Variants in ZCCHC14 observed in about 807,000 individuals in gnomAD.
ZCCHC14 encodes zinc finger CCHC-type containing 14, also known as zinc finger CCHC domain-containing protein 14.
ZCCHC14 carries 16 observed loss-of-function variants against 85.0 expected under a neutral mutation model. The ratio of observed to expected loss-of-function variants is 0.19; its 90% confidence interval spans 0.13 to 0.29. The LOEUF is 0.29. ZCCHC14 is among the 10% of genes least tolerant of loss of function. The pLI is 1.00. For missense variants in ZCCHC14, 1,303 were observed against 1,443.5 expected (o/e 0.90, Z 1.58); for synonymous variants, 775 against 630.7 (o/e 1.23, Z -3.43).
chr16:87,446,154 C>G (rs187510918), intron 2 of ZCCHC14, among the ~76,000 whole-genome samples: 45 of 104,684 alleles, frequency 4.3e-4, no homozygotes, highest in African/African-American at 1.4e-3. Flanking sequence ...GCAACAAGAG[C>G]AAAACTCCGT....
rs140528770 is a variant in ZCCHC14 at position 87,417,619 on chromosome 16, G to A, written c.1224C>T (p.Ala408=). ...HCSHAGSAGS[A]LAYRTQMDTS... Reference sequence around the variant, plus strand: ...TGTCCATCTGGGTCCGGTAGGCCAGGGCTGAGCCCGCGCTGCCCGCATGGG... The same window carrying A: ...TGTCCATCTGGGTCCGGTAGGCCAGAGCTGAGCCCGCGCTGCCCGCATGGG... The change falls in exon 8 of 13, where the codon GCC becomes GCT. Residue 408 remains alanine, a synonymous_variant. Transcript: ENST00000671377. 7.4e-6 allele frequency: 12 copies of A among 1,614,078 alleles called. No individual in the cohort carries two copies. The South Asian group carries it at 1.3e-4, about 18-fold the overall frequency.
intron 1 of ZCCHC14, among the ~76,000 whole-genome samples, chr16:87,478,009 G>A (rs1327058474): frequency 6.6e-6 from 1 of 152,196 alleles, no homozygotes; most frequent in African/African-American, 2.4e-5. Flanking sequence ...CCACTGATAC[G>A]CCCCCACGCA....
At chr16:87,473,487 GCCA>G (rs1911868498) in intron 1 of ZCCHC14, 1 of 152,230 alleles carries the variant, frequency 6.6e-6, no homozygotes, top group African/African-American at 2.4e-5. Flanking sequence ...ACAGGCGTGA[GCCA>G]CCGTGCCCGG....
chr16:87,480,610 T>C (rs970800719), intron 1 of ZCCHC14, among the ~76,000 whole-genome samples: 1 of 152,206 alleles, frequency 6.6e-6, no homozygotes, highest in Admixed American at 6.5e-5. Flanking sequence ...GCACTTGTAC[T>C]ACGGCGGCTT....
intron 1 of ZCCHC14, among the ~76,000 whole-genome samples, chr16:87,481,526 C>CTGGGGGGGGGG (rs1892658109): frequency 4.1e-4 from 1 of 2,434 alleles, no homozygotes; most frequent in Non-Finnish European, 8.0e-4. Flanking sequence ...GGGAGAGAAA[C>CTGGGGGGGGGG]GGGGGGGGGG....
rs1437514129 is a variant in ZCCHC14 at position 87,492,670 on chromosome 16, G to T, written c.-432C>A. The T allele has an allele frequency of 1.4e-5, 2 of 145,862 alleles. No individual in the cohort carries two copies. Among genetic ancestry groups the T allele is most frequent in the Non-Finnish European group, 3.0e-5 (2 of 65,630 alleles). The allele number at this position is 145,862 out of a possible 1,614,324, so 9.0% of individuals were successfully genotyped here. A position where few individuals can be genotyped will look rare whatever the true frequency, so the allele number is the denominator to read the frequency against. Reference sequence around the variant, plus strand: ...CCCCCGCGCCGCAGGGTCTGTCACTGCGGGCCGCCCCCCGACGGAGCCGCC... The same window carrying T: ...CCCCCGCGCCGCAGGGTCTGTCACTTCGGGCCGCCCCCCGACGGAGCCGCC... On this transcript the variant is annotated 5_prime_UTR_variant, in exon 1 of 13. Coordinates refer to ENST00000671377, the MANE Select transcript of ZCCHC14 (RefSeq NM_015144.3). The surrounding 1 kb of genome is among the most constrained non-coding windows in gnomAD (Gnocchi z 6.7).
Position 87,423,803 on chromosome 16 carries a change from AC to A in ZCCHC14, c.840+6del. ...TTAATTTTTATAAGAGCCCTTGATT[AC>A]CTTACCTTTGAAATAAATTCCGTCA... On this transcript the variant is annotated splice_donor_region_variant and intron_variant, in intron 4 of 12. Transcript: ENST00000671377. The A allele has an allele frequency of 6.2e-7, 1 of 1,613,838 alleles. No homozygotes were observed. The highest frequency in any genetic ancestry group is 8.5e-7 in the Non-Finnish European group (1 of 1,179,836).
chr16:87,437,840 G>A lies in ZCCHC14; in HGVS notation c.695-4639C>T, dbSNP rs200148892. ...TACATTTAGAAACCAGTACTCTAAC[G>A]TAGCAACTGAAAAAGGGAGGGAAGC... is the stretch of plus-strand genomic sequence containing the variant. On this transcript the variant is annotated intron_variant, in intron 2 of 12. Transcript: ENST00000671377. Among the ~76,000 whole-genome samples, 10 of 152,274 alleles carry A rather than the reference G, an allele frequency of 6.6e-5. No individual in the cohort carries two copies. The South Asian group carries it at 8.3e-4, about 13-fold the overall frequency.
In ZCCHC14 at chr16:87,419,890, C is replaced by T; in HGVS notation, c.951-13G>A. On this transcript the variant is annotated splice_polypyrimidine_tract_variant and intron_variant, in intron 5 of 12. Coordinates refer to ENST00000671377, the MANE Select transcript of ZCCHC14 (RefSeq NM_015144.3). ...TGAGGCCAGGTACCTAAAAGGCAAA[C>T]AAGTGGTCTTATCAACATTAAAATG... 1 of 1,595,078 alleles carries T rather than the reference C, an allele frequency of 6.3e-7. No individual in the cohort carries two copies. The highest frequency in any genetic ancestry group is 8.5e-7 in the Non-Finnish European group (1 of 1,173,162).
rs1159004291 is a variant in ZCCHC14, at chr16:87,408,135, A to T, written c.*2145T>A. On this transcript the variant is annotated 3_prime_UTR_variant, in exon 13 of 13. Coordinates refer to ENST00000671377, the MANE Select transcript of ZCCHC14 (RefSeq NM_015144.3). Reference sequence around the variant, plus strand: ...AGTTTCTGTTTTAATGTTTTGCTGGATTTAAGGTTAACCTCTAATACTTAT... The same window carrying T: ...AGTTTCTGTTTTAATGTTTTGCTGGTTTTAAGGTTAACCTCTAATACTTAT... 2.6e-5 allele frequency: 4 copies of T among 152,646 alleles called. No homozygotes were observed. The highest frequency in any genetic ancestry group is 2.6e-4 in the Admixed American group (4 of 15,288). The allele number at this position is 152,646 out of a possible 1,614,324, so 9.5% of individuals were successfully genotyped here. A position where few individuals can be genotyped will look rare whatever the true frequency, so the allele number is the denominator to read the frequency against.
chr16:87,411,762 C>A lies in ZCCHC14; in HGVS notation c.2959G>T (p.Val987Leu). ...CCGCTGCTGCTGTAAGGGGCGTGCA[C>A]GACGGGGAAGGTGGAGCCGCCGCCG... ...QYGGGSTFPV[V>L]HAPYSSSGTP... Residue 987 changes from valine (V) to leucine (L), a missense_variant, in exon 12 of 13, where the codon GTG becomes TTG. Physicochemically the swap from Val to Leu is conservative, Grantham distance 32. Coordinates refer to ENST00000671377, the MANE Select transcript of ZCCHC14 (RefSeq NM_015144.3). 1 of 1,612,100 alleles carries A rather than the reference C, an allele frequency of 6.2e-7. No individual in the cohort carries two copies. Among genetic ancestry groups the A allele is most frequent in the Non-Finnish European group, 8.5e-7 (1 of 1,178,918 alleles).
chr16:87,456,482 G>C (rs956646613), intron 2 of ZCCHC14, among the ~76,000 whole-genome samples: 2 of 130,350 alleles, frequency 1.5e-5, no homozygotes, highest in Admixed American at 9.0e-5. Flanking sequence ...GCAGTGAGCT[G>C]TGATTGCGCC....
At chr16:87,478,440 C>A (rs181226516) in intron 1 of ZCCHC14, among the ~76,000 whole-genome samples, 1 of 152,258 alleles carries the variant, frequency 6.6e-6, no homozygotes, top group East Asian at 1.9e-4. Context: ...GGCCTGAGTT[C>A]TCACGTATGA....
chr16:87,466,183 G>A (rs1024454981), intron 1 of ZCCHC14, among the ~76,000 whole-genome samples: 3 of 150,894 alleles, frequency 2.0e-5, no homozygotes, highest in African/African-American at 4.9e-5. Flanking sequence ...AAAAAACCCA[G>A]CACCACACAG....
intron 2 of ZCCHC14, among the ~76,000 whole-genome samples, chr16:87,447,558 T>A (rs894929347): frequency 6.6e-6 from 1 of 152,172 alleles, no homozygotes; most frequent in Non-Finnish European, 1.5e-5. Flanking sequence ...AATGACTGAG[T>A]TCTCTTCCAT....
At position 87,433,162 on chromosome 16, in the gene ZCCHC14, G is replaced by T. The variant is rs757478004; in HGVS notation, c.734C>A (p.Thr245Lys). 6.2e-7 allele frequency: 1 copy of T among 1,614,124 alleles called. No homozygotes were observed. Among genetic ancestry groups the T allele is most frequent in the Non-Finnish European group, 8.5e-7 (1 of 1,180,006 alleles). ...EKIDLKGLSH[T>K]KNDRNVECSF... ...ACATTCAACATTTCTGTCATTTTTTGTGTGTGATAATCCCTTCAGGTCTAT... is the reference window on the plus strand; with the variant it reads ...ACATTCAACATTTCTGTCATTTTTTTTGTGTGATAATCCCTTCAGGTCTAT... Residue 245 changes from threonine to lysine, a missense_variant, in exon 3 of 13, where the codon ACA becomes AAA. By Grantham distance (78) the Thr-to-Lys change is moderately conservative. Coordinates refer to ENST00000671377, the MANE Select transcript of ZCCHC14 (RefSeq NM_015144.3).
chr16:87,456,830 G>T (rs1460726272), intron 2 of ZCCHC14, among the ~76,000 whole-genome samples: 1 of 151,966 alleles, frequency 6.6e-6, no homozygotes, highest in East Asian at 1.9e-4. Flanking sequence ...AGTGCAAAGG[G>T]GTCCTAAGAC....
chr16:87,428,828 C>A (rs1350603315), intron 3 of ZCCHC14, among the ~76,000 whole-genome samples: 1 of 152,236 alleles, frequency 6.6e-6, no homozygotes, highest in Non-Finnish European at 1.5e-5. Context: ...GTTTCTTTCA[C>A]ACAACACGAG....
chr16:87,413,802 G>A (rs1167160120), intron 10 of ZCCHC14, among the ~76,000 whole-genome samples: 1 of 142,312 alleles, frequency 7.0e-6, no homozygotes, highest in East Asian at 2.4e-4. Flanking sequence ...CGTGGCCTCT[G>A]GGCACCAGTC....
Sources: gnomAD v4.1 joint callset for allele counts (sites outside exome capture counted in the v4.1 genomes callset) on GRCh38, gnomAD v4.1.1 for gene constraint, Gnocchi (gnomAD v3.1) non-coding constraint, MANE v1.5 for transcripts, NCBI Gene and HGNC (gene_info 2026-07-23, HGNC 2026-07-21) for gene names.